The following PFKP variants were observed in gnomAD, a reference collection of about 807,000 sequenced individuals.
The protein encoded by PFKP is phosphofructokinase, platelet, also known as ATP-dependent 6-phosphofructokinase, platelet type.
In PFKP, 101 loss-of-function variants were observed where a neutral mutation model predicts 94.3. That is an observed-to-expected ratio of 1.07 (90% CI 0.91 to 1.26). The LOEUF is 1.26. Among genes scored for constraint, PFKP ranks in the 50% most tolerant of loss-of-function variants. PFKP has a pLI of 0.00. For synonymous variants in PFKP, 573 were observed against 432.6 expected, an observed-to-expected ratio of 1.32 and a Z score of -4.03; for missense variants, 1,145 against 1,103.3, an observed-to-expected ratio of 1.04 and a Z score of -0.53.
intron 5 of PFKP, among the ~76,000 whole-genome samples, chr10:3,104,289 G>A (rs1019657665): frequency 6.6e-6 from 1 of 152,214 alleles, no homozygotes; most frequent in Admixed American, 6.5e-5. Flanking sequence ...TAGAAACGCA[G>A]CCAGCGATGT....
intron 16 of PFKP, among the ~76,000 whole-genome samples, chr10:3,127,324 C>T (rs921937506): frequency 3.3e-5 from 5 of 152,360 alleles, no homozygotes; most frequent in East Asian, 1.9e-4. Context: ...GGCAGCCTGG[C>T]GGGACCAGAA....
At chr10:3,100,808 G>T (rs1834915536) in intron 3 of PFKP, 2 of 597,016 alleles carry the variant, frequency 3.3e-6, no homozygotes, top group Non-Finnish European at 5.8e-6. Context: ...TTGGATGAAA[G>T]AATTTAAGAT....
At chr10:3,069,019 G>A (rs80282634) in intron 1 of PFKP, among the ~76,000 whole-genome samples, 61,496 of 150,322 alleles carry the variant, frequency 0.41, 15,300 homozygotes, top group Non-Finnish European at 0.54. Flanking sequence ...TTGAGGCGCT[G>A]TGGGCGCCGC....
chr10:3,107,076 C>T (rs1466493707), intron 7 of PFKP, 138 bp from the exon 8 acceptor site: 2 of 598,134 alleles, frequency 3.3e-6, no homozygotes, highest in Non-Finnish European at 6.1e-6. Context: ...CATTGGGAAG[C>T]AGCTCTTAGG....
chr10:3,093,552 G>T (rs1157707886), intron 2 of PFKP, among the ~76,000 whole-genome samples: 1 of 151,716 alleles, frequency 6.6e-6, no homozygotes, highest in African/African-American at 2.4e-5. Flanking sequence ...GCCTGGTTCT[G>T]CTCTGCACTC....
rs116478649 is a variant in PFKP, at chr10:3,114,609, G to A, written c.1371+1091G>A. The stretch of plus-strand genomic sequence containing the variant: ...GGTGAGCAGTGCTCAGAGGCATGCC[G>A]AGGAGGGCCTGCTGGAGATCCCCCA... On this transcript the variant is annotated intron_variant, in intron 13 of 21. Transcript: ENST00000381125. Among the ~76,000 whole-genome samples, 603 of 152,362 alleles carry A rather than the reference G, an allele frequency of 4.0e-3. 6 individuals are homozygous for A. The highest frequency in any genetic ancestry group is 0.014 in the African/African-American group (576 of 41,582).
At chr10:3,088,008 C>CTTTTTTTTTTTT (rs1833746033) in intron 2 of PFKP, among the ~76,000 whole-genome samples, 1 of 44,708 alleles carries the variant, frequency 2.2e-5, no homozygotes, top group Admixed American at 2.1e-4. Flanking sequence ...TTTTTTTTTA[C>CTTTTTTTTTTTT]ATTATACTTT....
At chr10:3,092,404 G>T (rs1258739647) in intron 2 of PFKP, among the ~76,000 whole-genome samples, 1 of 152,116 alleles carries the variant, frequency 6.6e-6, no homozygotes, top group Non-Finnish European at 1.5e-5. Flanking sequence ...AGGGGATGCA[G>T]AGAGGTGGAT....
intron 19 of PFKP, among the ~76,000 whole-genome samples, chr10:3,134,041 A>G (rs538781941): frequency 1.3e-5 from 2 of 152,204 alleles, no homozygotes; most frequent in African/African-American, 2.4e-5. Flanking sequence ...CAGGCCTCCT[A>G]ACTTGCACAC....
chr10:3,090,494 G>GA (rs1469941150), intron 2 of PFKP, among the ~76,000 whole-genome samples: 1 of 152,188 alleles, frequency 6.6e-6, no homozygotes, highest in East Asian at 1.9e-4. Flanking sequence ...GCCAGGTAGG[G>GA]AAACGGGGTC....
intron 20 of PFKP, among the ~76,000 whole-genome samples, chr10:3,135,296 A>G (rs71477811): frequency 0.07 from 10,683 of 152,222 alleles, 410 homozygotes; most frequent in Non-Finnish European, 0.092. Context: ...AGTCTATAAA[A>G]ACCAGTGATG....
At chr10:3,133,834 T>A (rs193272869) in intron 19 of PFKP, among the ~76,000 whole-genome samples, 40 of 152,340 alleles carry the variant, frequency 2.6e-4, no homozygotes, top group African/African-American at 8.9e-4. Flanking sequence ...TCAGCTTTCA[T>A]GAAAACAGTG....
At chr10:3,129,537 T>TTAAAAA in intron 16 of PFKP, 1 of 429,510 alleles carries the variant, frequency 2.3e-6, no homozygotes, top group Non-Finnish European at 4.2e-6. Flanking sequence ...CGTCCCCTTC[T>TTAAAAA]ATGGGGCCTG....
chr10:3,135,810 G>C lies in PFKP; in HGVS notation c.2197G>C (p.Ala733Pro). The change falls in exon 21 of 22, where the codon GCA becomes CCA. Residue 733 changes from alanine (A) to proline (P), a missense_variant. By Grantham distance (27) the Ala-to-Pro change is conservative. Around this residue, in one of 3 missense-constraint regions of PFKP, gnomAD observed 1,119 missense variants for 1,062.8 expected, o/e 1.05. Transcript: ENST00000381125. Reference protein sequence around the residue: ...SKRNVIFQPVAELKKQTDFEH... With the variant: ...SKRNVIFQPVPELKKQTDFEH... ...AAGAAACGTTATTTTTCAACCTGTGGCAGAGCTGAAGAAGCAAACGGATTT... is the reference window on the plus strand; with the variant it reads ...AAGAAACGTTATTTTTCAACCTGTGCCAGAGCTGAAGAAGCAAACGGATTT... The C allele has an allele frequency of 6.2e-7, 1 of 1,613,170 alleles. No individual in the cohort carries two copies.
At position 3,135,783 on chromosome 10, in the gene PFKP, A is replaced by ACAC; in HGVS notation, c.2170_2171insCAC (p.Lys724delinsThrGln). 1 of 1,613,876 alleles carries ACAC rather than the reference A, an allele frequency of 6.2e-7. No individual in the cohort carries two copies. The highest frequency in any genetic ancestry group is 8.5e-7 in the Non-Finnish European group (1 of 1,179,786). On this transcript the variant is annotated protein_altering_variant, in exon 21 of 22. Transcript: ENST00000381125. ...TTCCATTTGTGTGCTGGGAATAAGC[A>ACAC]AAAGAAACGTTATTTTTCAACCTGT...
intron 16 of PFKP, among the ~76,000 whole-genome samples, chr10:3,126,322 C>T (rs926590723): frequency 2.0e-5 from 3 of 152,228 alleles, no homozygotes; most frequent in Non-Finnish European, 4.4e-5. Flanking sequence ...TTCCCCAGTG[C>T]TGTGGTGGTC....
rs899319134 is a variant in PFKP at position 3,106,445 on chromosome 10, G to A, written c.775-769G>A. Among the ~76,000 whole-genome samples, 4 of 150,992 alleles carry A rather than the reference G, an allele frequency of 2.6e-5. No homozygotes were observed. In the South Asian group the frequency reaches 8.4e-4, roughly 32 times the overall value. On this transcript the variant is annotated intron_variant, in intron 7 of 21. Coordinates refer to ENST00000381125, the MANE Select transcript of PFKP (RefSeq NM_002627.5). ...GCGCCTGTGGGGCGTCCACCTGTGT[G>A]TCCTTCCCCATGGGAACCCCTGTCA... is the stretch of plus-strand genomic sequence containing the variant.
Position 3,133,184 on chromosome 10 carries a change from T to G in PFKP, c.1911-19T>G, listed in dbSNP as rs747543508. On this transcript the variant is annotated intron_variant, in intron 18 of 21. Coordinates refer to ENST00000381125, the MANE Select transcript of PFKP (RefSeq NM_002627.5). ...CCCACTGCACGCTAAACAAAGTGAC[T>G]CCTTCTCGCTCGTTTCAGAAATGAG... 5.9e-5 allele frequency: 93 copies of G among 1,587,544 alleles called. No individual in the cohort carries two copies. In the Middle Eastern group the frequency reaches 8.4e-4, roughly 14 times the overall value.
chr10:3,102,533 C>T lies in PFKP; in HGVS notation c.454+979C>T, dbSNP rs571424669. Reference sequence around the variant, plus strand: ...GGTTCAAGCAATTCTCCTGCCTCAGCCTCCCAAGCAGCTGGGATTACAGGC... The same window carrying T: ...GGTTCAAGCAATTCTCCTGCCTCAGTCTCCCAAGCAGCTGGGATTACAGGC... On this transcript the variant is annotated intron_variant, in intron 4 of 21. Transcript: ENST00000381125. Among the ~76,000 whole-genome samples, 234 of 152,104 alleles carry T rather than the reference C, an allele frequency of 1.5e-3. 1 individual carries two copies. The highest frequency in any genetic ancestry group is 2.2e-3 in the Non-Finnish European group (150 of 68,022).
Sources: allele counts gnomAD v4.1 joint callset (sites outside exome capture counted in the v4.1 genomes callset), GRCh38; gene constraint gnomAD v4.1.1; regional missense constraint gnomAD v4.1.1; transcripts MANE v1.5; gene names NCBI Gene and HGNC (gene_info 2026-07-23, HGNC 2026-07-21).